PRMT3: variants seen among roughly 807,000 people sequenced by gnomAD.
PRMT3 encodes the protein protein arginine methyltransferase 3.
A neutral mutation model predicts 71.9 loss-of-function variants in PRMT3; 62 were observed. That is an observed-to-expected ratio of 0.86 (90% CI 0.70 to 1.07). The LOEUF (loss-of-function observed/expected upper bound fraction) is 1.07, where lower values mean the gene tolerates loss of function less well. PRMT3 is among the 50% of genes least tolerant of loss of function. The pLI, the probability that PRMT3 is intolerant of heterozygous loss-of-function variation, is 0.00. For missense variants in PRMT3, 663 were observed against 643.0 expected (o/e 1.03, Z -0.34); for synonymous variants, 213 against 220.4 (o/e 0.97, Z 0.30).
chr11:20,428,347 A>G (rs1264165661), intron 10 of PRMT3, among the ~76,000 whole-genome samples: 1 of 152,180 alleles, frequency 6.6e-6, no homozygotes, highest in Non-Finnish European at 1.5e-5. Flanking sequence ...ATTACTCCAA[A>G]ATAGACTTTA....
intron 9 of PRMT3, among the ~76,000 whole-genome samples, chr11:20,409,407 G>T (rs181476167): frequency 1.3e-5 from 2 of 152,218 alleles, no homozygotes; most frequent in African/African-American, 4.8e-5. Context: ...TAAATAATAC[G>T]TATATATAAA....
intron 12 of PRMT3, among the ~76,000 whole-genome samples, chr11:20,462,670 T>A (rs1475785168): frequency 6.6e-6 from 1 of 152,166 alleles, no homozygotes; most frequent in African/African-American, 2.4e-5. Context: ...AGTTAATTCC[T>A]TTTGTGTTTT....
chr11:20,457,467 T>A (rs1014174884), intron 11 of PRMT3, among the ~76,000 whole-genome samples: 1 of 152,240 alleles, frequency 6.6e-6, no homozygotes, highest in Non-Finnish European at 1.5e-5. Context: ...TTGGGCAAGT[T>A]ACTTTCTGCC....
At chr11:20,398,467 T>C (rs1187101437) in intron 7 of PRMT3, among the ~76,000 whole-genome samples, 1 of 152,150 alleles carries the variant, frequency 6.6e-6, no homozygotes, top group African/African-American at 2.4e-5. Context: ...TTTTTGTTGT[T>C]GTTGAGATGG....
chr11:20,388,821 TGTTA>T (rs1848652173), intron 2 of PRMT3, among the ~76,000 whole-genome samples: 1 of 152,254 alleles, frequency 6.6e-6, no homozygotes, highest in Admixed American at 6.5e-5. Context: ...AAATTCTGCC[TGTTA>T]GTCTTGGGAA....
intron 8 of PRMT3, among the ~76,000 whole-genome samples, chr11:20,404,220 T>TGTTTTGTTTTGTTTTGTTTTG (rs768771887): frequency 0.023 from 465 of 20,094 alleles, 8 homozygotes; most frequent in Middle Eastern, 0.056. Flanking sequence ...AGTTTTTTTT[T>TGTTTTGTTTTGTTTTGTTTTG]TTTTTTTTTT....
intron 13 of PRMT3, among the ~76,000 whole-genome samples, chr11:20,492,934 G>A (rs1026493844): frequency 6.6e-6 from 1 of 152,084 alleles, no homozygotes; most frequent in Non-Finnish European, 1.5e-5. Context: ...GCGCACGCCT[G>A]TAGTCCCATC....
intron 13 of PRMT3, among the ~76,000 whole-genome samples, chr11:20,491,160 A>C (rs1851197083): frequency 1.3e-5 from 2 of 152,138 alleles, no homozygotes; most frequent in South Asian, 4.1e-4. Flanking sequence ...CAGTTATTAT[A>C]ATTTTCAATT....
At chr11:20,422,153 A>G (rs750318571) in intron 9 of PRMT3, among the ~76,000 whole-genome samples, 11 of 152,156 alleles carry the variant, frequency 7.2e-5, no homozygotes, top group Non-Finnish European at 1.6e-4. Context: ...AATCCCTTCT[A>G]CTCAGTAGTA....
At chr11:20,400,157 C>G (rs897528592) in intron 7 of PRMT3, among the ~76,000 whole-genome samples, 32 of 152,120 alleles carry the variant, frequency 2.1e-4, no homozygotes, top group African/African-American at 6.8e-4. Context: ...AGAATCTTAC[C>G]TAATTTTTAT....
chr11:20,441,883 C>G (rs1590067382), intron 10 of PRMT3, among the ~76,000 whole-genome samples: 1 of 151,522 alleles, frequency 6.6e-6, no homozygotes, highest in East Asian at 2.0e-4. Context: ...ACCTCTGCCC[C>G]CCAGGTTCCA....
intron 10 of PRMT3, among the ~76,000 whole-genome samples, chr11:20,447,124 G>C (rs1468675941): frequency 6.6e-6 from 1 of 152,076 alleles, no homozygotes; most frequent in Non-Finnish European, 1.5e-5. Context: ...AATAAATAGA[G>C]ATTGCATTGC....
At position 20,387,812 on chromosome 11, in the gene PRMT3, C is replaced by A; in HGVS notation, c.28+38C>A. 1.3e-6 allele frequency: 2 copies of A among 1,540,188 alleles called. No homozygotes were observed. Among genetic ancestry groups the A allele is most frequent in the Non-Finnish European group, 1.7e-6 (2 of 1,145,784 alleles). ...GCCCCTCAGCACCCGGCTCGTCCAG[C>A]CCCAGGCCGCGCCGCTGTGGGGCCG... On this transcript the variant is annotated intron_variant, in intron 1 of 15. Transcript: ENST00000331079. The surrounding 1 kb of genome is among the most constrained non-coding windows in gnomAD (Gnocchi z 4.3).
At chr11:20,421,225 A>AC (rs1227104447) in intron 9 of PRMT3, among the ~76,000 whole-genome samples, 2 of 152,034 alleles carry the variant, frequency 1.3e-5, no homozygotes, top group Non-Finnish European at 2.9e-5. Context: ...TTTTGTAGAG[A>AC]CAAGTTCTTC....
intron 13 of PRMT3, among the ~76,000 whole-genome samples, chr11:20,477,335 G>C (rs1850815804): frequency 6.6e-6 from 1 of 152,064 alleles, no homozygotes; most frequent in Non-Finnish European, 1.5e-5. Flanking sequence ...CAGCACTTTT[G>C]GAGGCTGAGG....
Position 20,472,089 on chromosome 11 carries a change from A to C in PRMT3, c.1347+7543A>C, listed in dbSNP as rs567171622. Among the ~76,000 whole-genome samples, 16 of 152,248 alleles carry C rather than the reference A, an allele frequency of 1.1e-4. 3 individuals are homozygous for C. Among genetic ancestry groups the C allele is most frequent in the African/African-American group, 2.9e-4 (12 of 41,544 alleles). On this transcript the variant is annotated intron_variant, in intron 13 of 15. Transcript: ENST00000331079. ...TGCTGAAGTTGCTTATCAGCTTAAG[A>C]AGCTTTTGGGCTGAGATGATGGAGT...
intron 12 of PRMT3, among the ~76,000 whole-genome samples, chr11:20,463,859 T>G (rs1850444304): frequency 6.7e-6 from 1 of 148,924 alleles, no homozygotes; most frequent in African/African-American, 2.5e-5. Context: ...AAGGGCAGAA[T>G]GGGAAAATAA....
intron 3 of PRMT3, among the ~76,000 whole-genome samples, chr11:20,390,223 T>A (rs1471220224): frequency 6.6e-6 from 1 of 152,140 alleles, no homozygotes; most frequent in Admixed American, 6.5e-5. Flanking sequence ...ACGAGTTTAA[T>A]ATGGCGAATC....
chr11:20,432,506 T>C (rs1229098790), intron 10 of PRMT3, among the ~76,000 whole-genome samples: 2 of 152,178 alleles, frequency 1.3e-5, no homozygotes, highest in African/African-American at 4.8e-5. Context: ...TTGTGAATAG[T>C]GCTGTTATAA....
Sources: gnomAD v4.1 joint callset for allele counts (sites outside exome capture counted in the v4.1 genomes callset) on GRCh38, gnomAD v4.1.1 for gene constraint, Gnocchi (gnomAD v3.1) non-coding constraint, MANE v1.5 for transcripts, NCBI Gene and HGNC (gene_info 2026-07-23, HGNC 2026-07-21) for gene names.